OLFM3: variants seen among roughly 807,000 people sequenced by gnomAD.
OLFM3 encodes olfactomedin 3, also known as noelin-3.
In OLFM3, 20 loss-of-function variants were observed where a neutral mutation model predicts 48.6. That is an observed-to-expected ratio of 0.41 (90% CI 0.29 to 0.60). The LOEUF is 0.60. Ranked by LOEUF, OLFM3 falls within the 20% of genes least tolerant of loss-of-function variation. The pLI is 0.28. For synonymous variants in OLFM3, 222 were observed against 198.1 expected, an observed-to-expected ratio of 1.12 and a Z score of -1.01; for missense variants, 437 against 544.3, an observed-to-expected ratio of 0.80 and a Z score of 1.96.
At chr1:101,973,846 T>C (rs1660875826) in intron 1 of OLFM3, among the ~76,000 whole-genome samples, 1 of 152,200 alleles carries the variant, frequency 6.6e-6, no homozygotes, top group African/African-American at 2.4e-5. Context: ...TTTTCATTTT[T>C]TTCTAAAGCC....
At chr1:101,919,249 C>G (rs191626209) in intron 1 of OLFM3, among the ~76,000 whole-genome samples, 24 of 152,016 alleles carry the variant, frequency 1.6e-4, no homozygotes, top group African/African-American at 5.5e-4. Context: ...CTTTTTATTT[C>G]ACATATCCCT....
chr1:101,894,377 T>G (rs116533324), intron 1 of OLFM3, among the ~76,000 whole-genome samples: 2,073 of 152,248 alleles, frequency 0.014, 52 homozygotes, highest in African/African-American at 0.048. Context: ...GATTATTATC[T>G]GATATTTTAT....
chr1:101,954,860 T>C (rs1040257506), intron 1 of OLFM3, among the ~76,000 whole-genome samples: 1 of 152,058 alleles, frequency 6.6e-6, no homozygotes, highest in South Asian at 2.1e-4. Context: ...CTATTTTCAA[T>C]GTTGTTCCTA....
In OLFM3 at chr1:101,991,016, A is replaced by AATAT. The variant is rs1215588189; in HGVS notation, c.69+5728_69+5731dup. The stretch of plus-strand genomic sequence containing the variant: ...AAAAAAAAAAAAAAAAAAAAAAAAA[A>AATAT]ATATATATATATATATATATATATA... On this transcript the variant is annotated intron_variant, in intron 1 of 5. Transcript: ENST00000370103. Among the ~76,000 whole-genome samples, 307 of 32,192 alleles carry AATAT rather than the reference A, an allele frequency of 9.5e-3. 15 individuals carry two copies. Among genetic ancestry groups the AATAT allele is most frequent in the African/African-American group, 0.037 (218 of 5,814 alleles). 21.1% of individuals were successfully genotyped at this position (32,192 alleles called of 152,430 possible).
chr1:101,933,836 C>T (rs941698368), intron 1 of OLFM3, among the ~76,000 whole-genome samples: 5 of 152,028 alleles, frequency 3.3e-5, no homozygotes, highest in Middle Eastern at 3.2e-3. Context: ...AAAAAAAATC[C>T]GAAGAAGAAT....
intron 1 of OLFM3, among the ~76,000 whole-genome samples, chr1:101,963,815 G>C (rs1246493138): frequency 6.6e-6 from 1 of 152,118 alleles, no homozygotes; most frequent in East Asian, 1.9e-4. Flanking sequence ...GTGAGGAAAA[G>C]AAGAGTTTCA....
chr1:101,874,485 A>AAT (rs1657215459), intron 1 of OLFM3, among the ~76,000 whole-genome samples: 1 of 141,108 alleles, frequency 7.1e-6, no homozygotes, highest in African/African-American at 2.6e-5. Context: ...TAAGAATTCT[A>AAT]ATAATATAAT....
intron 1 of OLFM3, among the ~76,000 whole-genome samples, chr1:101,895,408 A>C (rs1265891379): frequency 7.7e-6 from 1 of 129,310 alleles, no homozygotes; most frequent in Non-Finnish European, 1.7e-5. Context: ...GTAAAGCTCA[A>C]GAATACACAC....
chr1:101,986,927 A>G (rs1055725891), intron 1 of OLFM3, among the ~76,000 whole-genome samples: 4 of 152,204 alleles, frequency 2.6e-5, no homozygotes, highest in African/African-American at 9.6e-5. Flanking sequence ...CATATTGACA[A>G]ATGAATCATC....
intron 1 of OLFM3, among the ~76,000 whole-genome samples, chr1:101,945,932 C>T (rs1370005065): frequency 6.6e-6 from 1 of 152,000 alleles, no homozygotes; most frequent in African/African-American, 2.4e-5. Context: ...GAATGTATTT[C>T]CTGTTGATAA....
At chr1:101,822,613 G>A (rs1654662979) in intron 4 of OLFM3, among the ~76,000 whole-genome samples, 1 of 152,110 alleles carries the variant, frequency 6.6e-6, no homozygotes, top group African/African-American at 2.4e-5. Context: ...GATATTTTAT[G>A]AGCTAATAGA....
chr1:101,803,120 T>C lies in OLFM3; in HGVS notation c.*1118A>G, dbSNP rs1004700254. 2.9e-4 allele frequency: 44 copies of C among 151,894 alleles called. No homozygotes were observed. Among genetic ancestry groups the C allele is most frequent in the Admixed American group, 2.8e-3 (43 of 15,158 alleles). 9.4% of individuals were successfully genotyped at this position (151,894 alleles called of 1,614,324 possible). ...ATTTTGCACAAATCTTGCCAATAACTCCTCAGGGCTCATAATCTAAATCTA... is the reference window on the plus strand; with the variant it reads ...ATTTTGCACAAATCTTGCCAATAACCCCTCAGGGCTCATAATCTAAATCTA... On this transcript the variant is annotated 3_prime_UTR_variant, in exon 6 of 6. Transcript: ENST00000370103.
At chr1:101,914,511 C>T (rs1342283402) in intron 1 of OLFM3, among the ~76,000 whole-genome samples, 2 of 152,154 alleles carry the variant, frequency 1.3e-5, no homozygotes, top group Admixed American at 6.5e-5. Flanking sequence ...ACTTATTTCC[C>T]ACCTAAATTT....
chr1:101,934,646 C>T (rs139754042), intron 1 of OLFM3, among the ~76,000 whole-genome samples: 63 of 152,130 alleles, frequency 4.1e-4, no homozygotes, highest in African/African-American at 1.3e-3. Context: ...CAGACTCTAC[C>T]TAAAAACAAC....
chr1:101,966,432 C>A (rs550151750), intron 1 of OLFM3, among the ~76,000 whole-genome samples: 1 of 152,116 alleles, frequency 6.6e-6, no homozygotes, highest in Non-Finnish European at 1.5e-5. Context: ...CTTGGCCTCC[C>A]AAAGGGCTGG....
intron 1 of OLFM3, among the ~76,000 whole-genome samples, chr1:101,960,845 T>G (rs748604911): frequency 6.6e-5 from 10 of 152,162 alleles, no homozygotes; most frequent in Non-Finnish European, 1.2e-4. Context: ...TTAACCACTC[T>G]GCTTCAATTC....
chr1:101,950,353 C>T (rs1660099937), intron 1 of OLFM3, among the ~76,000 whole-genome samples: 1 of 152,156 alleles, frequency 6.6e-6, no homozygotes, highest in Non-Finnish European at 1.5e-5. Context: ...CGCAGACCAG[C>T]TGAACCCTTT....
chr1:101,993,218 A>G (rs1388679946), intron 1 of OLFM3, among the ~76,000 whole-genome samples: 1 of 152,122 alleles, frequency 6.6e-6, no homozygotes, highest in Non-Finnish European at 1.5e-5. Context: ...TCCTATCTTT[A>G]TAGTTCAGAG....
At chr1:101,847,898 T>C (rs1481111707) in intron 1 of OLFM3, among the ~76,000 whole-genome samples, 1 of 152,124 alleles carries the variant, frequency 6.6e-6, no homozygotes, top group African/African-American at 2.4e-5. Flanking sequence ...GTATTTGTTC[T>C]CCTCTAGTTA....
Sources: allele counts gnomAD v4.1 joint callset (sites outside exome capture counted in the v4.1 genomes callset), GRCh38; gene constraint gnomAD v4.1.1; transcripts MANE v1.5; gene names NCBI Gene and HGNC (gene_info 2026-07-23, HGNC 2026-07-21).